The following TMEM181 variants were observed in gnomAD, a reference collection of about 807,000 sequenced individuals.
TMEM181 encodes the protein G protein-coupled receptor 178.
TMEM181 carries 39 observed loss-of-function variants against 71.9 expected under a neutral mutation model. The ratio of observed to expected loss-of-function variants is 0.54; its 90% confidence interval spans 0.42 to 0.71. The LOEUF is 0.71. TMEM181 is among the 30% of genes least tolerant of loss of function. The pLI is 0.00. For synonymous variants in TMEM181, 245 were observed against 228.8 expected, an observed-to-expected ratio of 1.07 and a Z score of -0.64; for missense variants, 595 against 583.0, an observed-to-expected ratio of 1.02 and a Z score of -0.21.
intron 10 of TMEM181, among the ~76,000 whole-genome samples, chr6:158,617,088 A>G (rs780783965): frequency 6.6e-6 from 1 of 152,196 alleles, no homozygotes; most frequent in African/African-American, 2.4e-5. Flanking sequence ...CTCTGGTAGA[A>G]TTCGGCTGTG....
chr6:158,590,893 C>T (rs946355887), intron 6 of TMEM181, among the ~76,000 whole-genome samples: 2 of 152,218 alleles, frequency 1.3e-5, no homozygotes, highest in Non-Finnish European at 2.9e-5. Flanking sequence ...CAATCACTAA[C>T]GTTCTCTCTG....
intron 1 of TMEM181, among the ~76,000 whole-genome samples, chr6:158,565,039 C>T (rs1782406462): frequency 6.6e-6 from 1 of 152,214 alleles, no homozygotes; most frequent in South Asian, 2.1e-4. Flanking sequence ...GTGTCTCTCA[C>T]ACCCCTTGGG....
intron 6 of TMEM181, among the ~76,000 whole-genome samples, chr6:158,594,772 C>CT (rs1201303966): frequency 3.3e-5 from 5 of 152,230 alleles, no homozygotes; most frequent in Non-Finnish European, 7.3e-5. Flanking sequence ...ACTGCAACCT[C>CT]TGCCTCCTGG....
upstream of TMEM181, among the ~76,000 whole-genome samples, chr6:158,557,525 T>TTTA (rs1249002830): frequency 2.0e-5 from 3 of 151,572 alleles, no homozygotes; most frequent in African/African-American, 4.9e-5. Flanking sequence ...TATTTATTTA[T>TTTA]TTATTTATTT....
rs542512625 is a variant in TMEM181, at chr6:158,560,250, C to T, written c.8+18C>T. The stretch of plus-strand genomic sequence containing the variant: ...ATGGAGCCGTGAGTCCCCGGCCGAG[C>T]GGGCGGGCTGGCTGGCTCTCCGGAC... On this transcript the variant is annotated intron_variant, in intron 1 of 16. Transcript: ENST00000684151. 2.3e-4 allele frequency: 228 copies of T among 984,070 alleles called. No homozygotes were observed. In the Middle Eastern group the frequency reaches 3.1e-3, roughly 14 times the overall value. 61.0% of individuals were successfully genotyped at this position (984,070 alleles called of 1,614,324 possible). A position where few individuals can be genotyped will look rare whatever the true frequency, so the allele number is the denominator to read the frequency against.
chr6:158,555,309 T>C (rs1781844290), upstream of TMEM181, among the ~76,000 whole-genome samples: 1 of 152,222 alleles, frequency 6.6e-6, no homozygotes, highest in Non-Finnish European at 1.5e-5. Flanking sequence ...TATGAAGATT[T>C]ATCTAATTTT....
chr6:158,587,737 T>C (rs1296374792), intron 5 of TMEM181, among the ~76,000 whole-genome samples: 2 of 152,080 alleles, frequency 1.3e-5, no homozygotes, highest in African/African-American at 4.8e-5. Flanking sequence ...CACGTGATTT[T>C]CAGAGGTACA....
intron 1 of TMEM181, among the ~76,000 whole-genome samples, chr6:158,544,955 G>A (rs1467611069): frequency 6.6e-6 from 1 of 152,242 alleles, no homozygotes; most frequent in Non-Finnish European, 1.5e-5. Context: ...GAAATAGCAT[G>A]CATTTCAACG....
At chr6:158,624,957 T>C (rs1450436309) in intron 11 of TMEM181, 147 bp from the exon 12 acceptor site, 6 of 697,002 alleles carry the variant, frequency 8.6e-6, no homozygotes, top group Non-Finnish European at 1.6e-5. Flanking sequence ...TGGTCCCGGC[T>C]GGGAGCCCAT....
At chr6:158,589,805 C>A in intron 6 of TMEM181, 23 bp downstream of exon 6, 1 of 1,492,894 alleles carries the variant, frequency 6.7e-7, no homozygotes, top group Non-Finnish European at 9.3e-7. Context: ...GCTGACTGCA[C>A]GTTTCCATGG....
intron 5 of TMEM181, 102 bp from the exon 6 acceptor site, chr6:158,589,570 G>A: frequency 1.2e-6 from 1 of 819,018 alleles, no homozygotes; most frequent in East Asian, 2.6e-5. Context: ...TGGAGACAAT[G>A]AGTTCTGCCC....
At chr6:158,629,690 A>T (rs751691678) in intron 14 of TMEM181, 40 bp from the exon 15 acceptor site, 1 of 1,513,294 alleles carries the variant, frequency 6.6e-7, no homozygotes, top group East Asian at 2.3e-5. Context: ...CCTCTGACTG[A>T]TGTGTCCAGA....
exon 1 of TMEM181, chr6:158,536,641 G>A (rs1236731514): frequency 4.8e-6 from 7 of 1,459,892 alleles, no homozygotes; most frequent in Admixed American, 4.6e-5. Flanking sequence ...CAGCGCGCCA[G>A]CAGCCCGATC....
rs1786882117 is a variant in TMEM181 at position 158,635,103 on chromosome 6, T to C, written c.*3215T>C. 6.6e-6 allele frequency: 1 copy of C among 152,122 alleles called. No homozygotes were observed. Among genetic ancestry groups the C allele is most frequent in the African/African-American group, 2.4e-5 (1 of 41,448 alleles). 9.4% of individuals were successfully genotyped at this position (152,122 alleles called of 1,614,324 possible). A position where few individuals can be genotyped will look rare whatever the true frequency, so the allele number is the denominator to read the frequency against. ...ATTAGTCTGTGACATCTTGTGATGCTGTTTATCTTGGTTTGACATTGGAGA... is the reference window on the plus strand; with the variant it reads ...ATTAGTCTGTGACATCTTGTGATGCCGTTTATCTTGGTTTGACATTGGAGA... On this transcript the variant is annotated 3_prime_UTR_variant, in exon 17 of 17. Transcript: ENST00000684151.
At chr6:158,630,174 T>G in intron 15 of TMEM181, among the ~76,000 whole-genome samples, 1 of 152,194 alleles carries the variant, frequency 6.6e-6, no homozygotes, top group Non-Finnish European at 1.5e-5. Context: ...TTTTTCACTT[T>G]CAGTACAGCA....
upstream of TMEM181, among the ~76,000 whole-genome samples, chr6:158,556,104 C>T (rs938380267): frequency 1.3e-5 from 2 of 152,324 alleles, no homozygotes; most frequent in East Asian, 3.9e-4. Flanking sequence ...TTTCTACCAA[C>T]AAGGACTTTT....
intron 3 of TMEM181, among the ~76,000 whole-genome samples, chr6:158,583,697 G>A (rs967377417): frequency 6.6e-6 from 1 of 152,154 alleles, no homozygotes; most frequent in Non-Finnish European, 1.5e-5. Context: ...CTACTCGGGA[G>A]GCTGAGGCAG....
intron 2 of TMEM181, among the ~76,000 whole-genome samples, chr6:158,580,500 G>T (rs1425668262): frequency 6.6e-6 from 1 of 152,174 alleles, no homozygotes; most frequent in Non-Finnish European, 1.5e-5. Context: ...TATGTTTATA[G>T]CCCTTAATAA....
At chr6:158,604,107 T>G (rs941134608) in intron 6 of TMEM181, among the ~76,000 whole-genome samples, 4 of 152,264 alleles carry the variant, frequency 2.6e-5, no homozygotes, top group Admixed American at 6.5e-5. Flanking sequence ...ACTGGCTTTT[T>G]GGGAGGTTCG....
Sources: allele counts gnomAD v4.1 joint callset (sites outside exome capture counted in the v4.1 genomes callset), GRCh38; gene constraint gnomAD v4.1.1; transcripts MANE v1.5; gene names NCBI Gene and HGNC (gene_info 2026-07-23, HGNC 2026-07-21).